Variants in MON1A observed in about 807,000 individuals in gnomAD.
MON1A encodes vacuolar fusion protein MON1 homolog A.
MON1A carries 29 observed loss-of-function variants against 44.6 expected under a neutral mutation model. That is an observed-to-expected ratio of 0.65 (90% confidence interval 0.48 to 0.89). The LOEUF is 0.89. Ranked by LOEUF, MON1A falls within the 40% of genes least tolerant of loss-of-function variation. MON1A has a pLI of 0.00. For synonymous variants in MON1A, 275 were observed against 316.4 expected (o/e 0.87, Z 1.39); for missense variants, 615 against 759.6 (o/e 0.81, Z 2.24).
chr3:49,917,305 A>T (rs2108534903), intron 1 of MON1A, among the ~76,000 whole-genome samples: 1 of 151,964 alleles, frequency 6.6e-6, no homozygotes, highest in East Asian at 1.9e-4. Context: ...TTCTTCTTTG[A>T]GACGGAGTCT....
At chr3:49,922,638 G>C (rs1183312265) in intron 1 of MON1A, among the ~76,000 whole-genome samples, 1 of 150,406 alleles carries the variant, frequency 6.6e-6, no homozygotes, top group East Asian at 2.0e-4. Context: ...AAGGAAGAAA[G>C]GAAGGAAAAG....
chr3:49,910,906 A>T lies in MON1A; in HGVS notation c.614-22T>A. ...CCATCTGAGAGCGGGACAGGAAAGA[A>T]GGATGTCAGCCTCAGCGGCAGCTCC... is the stretch of plus-strand genomic sequence containing the variant. On this transcript the variant is annotated intron_variant, in intron 3 of 5. Transcript: ENST00000296473. This position sits in a 1 kb window ranked among gnomAD's most constrained non-coding sequence, Gnocchi z 8.0. 1 of 1,571,702 alleles carries T rather than the reference A, an allele frequency of 6.4e-7. No individual in the cohort carries two copies. Among genetic ancestry groups the T allele is most frequent in the Non-Finnish European group, 8.7e-7 (1 of 1,155,228 alleles).
chr3:49,917,994 G>A (rs933317036), intron 1 of MON1A, among the ~76,000 whole-genome samples: 2 of 151,602 alleles, frequency 1.3e-5, no homozygotes, highest in Non-Finnish European at 2.9e-5. Context: ...GTTGTGGTGA[G>A]CCGAGATTAC....
rs746865850 is a variant in MON1A, at chr3:49,910,871, T to TAC, written c.625_626dup (p.Val210Ter). 2 of 1,602,602 alleles carry TAC rather than the reference T, an allele frequency of 1.2e-6. No individual in the cohort carries two copies. Among genetic ancestry groups the TAC allele is most frequent in the African/African-American group, 2.7e-5 (2 of 74,666 alleles). On this transcript the variant is annotated frameshift_variant, in exon 4 of 6. Transcript: ENST00000296473. LOFTEE classifies it high-confidence loss of function. This position sits in a 1 kb window ranked among gnomAD's most constrained non-coding sequence, Gnocchi z 8.0. ...CCAGCGGGCTCCGGCGCACGAATAC[T>TAC]ACCTTGTAGCCATCTGAGAGCGGGA...
rs146509374 is a variant in MON1A at position 49,910,505 on chromosome 3, T to C, written c.993A>G (p.Ala331=). The change falls in exon 4 of 6, where the codon GCA becomes GCG. Residue 331 remains alanine (A), a synonymous_variant. Transcript: ENST00000296473. The surrounding 1 kb of genome is among the most constrained non-coding windows in gnomAD (Gnocchi z 8.0). Reference sequence around the variant, plus strand: ...GAAATTGGTCCTTTCGGCGCACGAGTGCCACGAGCTGGTTGCGGGCCAGCA... The same window carrying C: ...GAAATTGGTCCTTTCGGCGCACGAGCGCCACGAGCTGGTTGCGGGCCAGCA... ...SILLARNQLV[A]LVRRKDQFLH... is the part of the protein sequence containing the mutation. The C allele has an allele frequency of 6.8e-4, 1,103 of 1,613,780 alleles. 1 individual carries two copies. The highest frequency in any genetic ancestry group is 8.7e-4 in the Non-Finnish European group (1,032 of 1,179,904).
intron 1 of MON1A, among the ~76,000 whole-genome samples, chr3:49,927,321 T>C (rs113699635): frequency 3.2e-4 from 48 of 152,206 alleles, no homozygotes; most frequent in Non-Finnish European, 6.0e-4. Context: ...ATAGTAGTAT[T>C]GATTCCTTGG....
At position 49,911,587 on chromosome 3, in the gene MON1A, A is replaced by G. The variant is rs1056768962; in HGVS notation, c.552T>C (p.Val184=). 1.2e-6 allele frequency: 2 copies of G among 1,613,906 alleles called. No individual in the cohort carries two copies. The highest frequency in any genetic ancestry group is 2.7e-5 in the African/African-American group (2 of 74,900). ...CCAGGAAGGACACCAGGGCCACCAT[A>G]ACACCCATAGTGCTGGAAAGTGCCT... is the stretch of plus-strand genomic sequence containing the variant. ...SEEALSSTMG[V]MVALVSFLEA... Residue 184 remains valine (V), a synonymous_variant, in exon 3 of 6, where the codon GTT becomes GTC. Coordinates refer to ENST00000296473, the MANE Select transcript of MON1A (RefSeq NM_032355.4). The surrounding 1 kb of genome is among the most constrained non-coding windows in gnomAD (Gnocchi z 5.7).
At chr3:49,924,444 C>G (rs28642960) in intron 1 of MON1A, 1 of 226,104 alleles carries the variant, frequency 4.4e-6, no homozygotes, top group Non-Finnish European at 9.4e-6. Context: ...TTTGGGAGGC[C>G]AGGATGGGCT....
intron 1 of MON1A, chr3:49,929,295 T>C: frequency 2.2e-6 from 1 of 446,324 alleles, no homozygotes; most frequent in African/African-American, 2.1e-5. Context: ...TGTTGCTTTT[T>C]GAGAAGACTC....
chr3:49,923,233 C>T (rs1338915431), intron 1 of MON1A, among the ~76,000 whole-genome samples: 1 of 149,830 alleles, frequency 6.7e-6, no homozygotes, highest in Non-Finnish European at 1.5e-5. Context: ...TCCAGCTACC[C>T]CGGGAGGCTG....
intron 1 of MON1A, among the ~76,000 whole-genome samples, chr3:49,918,905 G>T (rs2082971722): frequency 6.6e-6 from 1 of 152,142 alleles, no homozygotes; most frequent in South Asian, 2.1e-4. Context: ...CTCCCAGCAG[G>T]GCTTGGTGGC....
At position 49,911,217 on chromosome 3, in the gene MON1A, G is replaced by GATGATAGATAC. The variant is rs1553630679; in HGVS notation, c.613+308_613+309insGTATCTATCAT. 2.7e-4 allele frequency among the ~76,000 whole-genome samples: 38 copies of GATGATAGATAC among 143,290 alleles called. No homozygotes were observed. The highest frequency in any genetic ancestry group is 7.1e-4 in the African/African-American group (25 of 35,104). 94.0% of individuals were successfully genotyped at this position (143,290 alleles called of 152,430 possible). A position where few individuals can be genotyped will look rare whatever the true frequency, so the allele number is the denominator to read the frequency against. On this transcript the variant is annotated intron_variant, in intron 3 of 5. Transcript: ENST00000296473. This position sits in a 1 kb window ranked among gnomAD's most constrained non-coding sequence, Gnocchi z 5.7. ...AGATAGATAGATAGATAGATAGATAGATAGATAGATAGATAGATAGATAGA... is the reference window on the plus strand; with the variant it reads ...AGATAGATAGATAGATAGATAGATAGATGATAGATACATAGATAGATAGATAGATAGATAGA...
Position 49,911,853 on chromosome 3 carries a change from C to T in MON1A, c.286G>A (p.Glu96Lys), listed in dbSNP as rs748801921. ...ACACCCGTCAGCTGGGTGCTTAGCT[C>T]GCTAAAGTCCTGGCTGATCTGGCGC... is the stretch of plus-strand genomic sequence containing the variant. ...DMRQISQDFS[E>K]LSTQLTGVAR... The change falls in exon 3 of 6, where the codon GAG becomes AAG. Residue 96 changes from glutamate to lysine, a missense_variant. Physicochemically the swap from Glu to Lys is moderately conservative, Grantham distance 56. Coordinates refer to ENST00000296473, the MANE Select transcript of MON1A (RefSeq NM_032355.4). This position sits in a 1 kb window ranked among gnomAD's most constrained non-coding sequence, Gnocchi z 5.7. The T allele has an allele frequency of 6.8e-6, 11 of 1,614,092 alleles. No homozygotes were observed. The Admixed American group carries it at 1.2e-4, about 17-fold the overall frequency.
chr3:49,922,968 C>T (rs2083014699), intron 1 of MON1A, among the ~76,000 whole-genome samples: 1 of 151,864 alleles, frequency 6.6e-6, no homozygotes, highest in Non-Finnish European at 1.5e-5. Flanking sequence ...CTTGGCCTCC[C>T]AAAGTGCTGG....
In MON1A at chr3:49,910,447, G is replaced by A; in HGVS notation, c.1051C>T (p.Leu351Phe). 3.1e-6 allele frequency: 5 copies of A among 1,614,250 alleles called. No individual in the cohort carries two copies. Among genetic ancestry groups the A allele is most frequent in the Non-Finnish European group, 4.2e-6 (5 of 1,180,044 alleles). ...HPIDLHLLFNLISSSSSFREG... is the reference protein window; with the variant it reads ...HPIDLHLLFNFISSSSSFREG... Reference sequence around the variant, plus strand: ...CGAAAGGACGAGGAGGAACTAATGAGGTTGAAGAGCAGGTGCAGGTCGATG... The same window carrying A: ...CGAAAGGACGAGGAGGAACTAATGAAGTTGAAGAGCAGGTGCAGGTCGATG... Residue 351 changes from leucine to phenylalanine, a missense_variant, in exon 4 of 6, where the codon CTC becomes TTC. Transcript: ENST00000296473. This position sits in a 1 kb window ranked among gnomAD's most constrained non-coding sequence, Gnocchi z 8.0.
At chr3:49,914,784 G>A (rs989037477) in intron 1 of MON1A, among the ~76,000 whole-genome samples, 1 of 150,636 alleles carries the variant, frequency 6.6e-6, no homozygotes. Flanking sequence ...CTGACCTTGT[G>A]ATCCGCCTGC....
chr3:49,925,939 C>T (rs1271367579), intron 1 of MON1A, among the ~76,000 whole-genome samples: 3 of 152,114 alleles, frequency 2.0e-5, no homozygotes, highest in African/African-American at 4.8e-5. Context: ...TCTAGTCTCC[C>T]CTCTTTTGCC....
intron 1 of MON1A, among the ~76,000 whole-genome samples, chr3:49,927,493 T>G (rs553038438): frequency 6.6e-6 from 1 of 152,322 alleles, no homozygotes; most frequent in Admixed American, 6.5e-5. Context: ...ATCGGGCCTC[T>G]GAGATTTTGC....
chr3:49,912,311 T>C, intron 2 of MON1A: 1 of 310,586 alleles, frequency 3.2e-6, no homozygotes, highest in Non-Finnish European at 5.9e-6. Flanking sequence ...CACACTGGCC[T>C]ACATCCATCT....
Sources: gnomAD v4.1 joint callset for allele counts (sites outside exome capture counted in the v4.1 genomes callset) on GRCh38, gnomAD v4.1.1 for gene constraint, Gnocchi (gnomAD v3.1) non-coding constraint, MANE v1.5 for transcripts, NCBI Gene and HGNC (gene_info 2026-07-23, HGNC 2026-07-21) for gene names.